ADGRA1: variants seen among roughly 807,000 people sequenced by gnomAD.
ADGRA1 encodes the protein G-protein coupled receptor 123.
A neutral mutation model predicts 21.3 loss-of-function variants in ADGRA1; 12 were observed. That is an observed-to-expected ratio of 0.56 (90% CI 0.36 to 0.91). The LOEUF is 0.91. Ranked by LOEUF, ADGRA1 falls within the 40% of genes least tolerant of loss-of-function variation. ADGRA1 has a pLI of 0.01. For synonymous variants in ADGRA1, 385 were observed against 368.8 expected, an observed-to-expected ratio of 1.04 and a Z score of -0.50; for missense variants, 790 against 805.6, an observed-to-expected ratio of 0.98 and a Z score of 0.23.
Position 133,129,194 on chromosome 10 carries a change from C to A in ADGRA1, c.1366C>A (p.Pro456Thr), listed in dbSNP as rs150943550. The change falls in exon 7 of 7, where the codon CCC becomes ACC. Residue 456 changes from proline (P) to threonine (T), a missense_variant. Coordinates refer to ENST00000392607, the MANE Select transcript of ADGRA1 (RefSeq NM_001083909.3). ...CCCCCGCAGCTCGCGCACAGACAGC[C>A]CCCCCAGCTCTCTGGATGGCCCGGC... ...GSPRSSRTDSPPSSLDGPAGT... is the reference protein window; with the variant it reads ...GSPRSSRTDSTPSSLDGPAGT... 18,505 of 1,550,396 alleles carry A rather than the reference C, an allele frequency of 0.012. 137 individuals are homozygous for A. Among genetic ancestry groups the A allele is most frequent in the Non-Finnish European group, 0.014 (16,189 of 1,147,004 alleles).
Position 133,112,408 on chromosome 10 carries a change from ATTTGGGGT to A in ADGRA1, c.401+9567_401+9574del, listed in dbSNP as rs1564850102. Reference sequence around the variant, plus strand: ...TTGGGGTCTACGGGCCGCGTCCGTTATTTGGGGTCTGCGGGCCATGTCGGTTATTTGGG... The same window carrying A: ...TTGGGGTCTACGGGCCGCGTCCGTTACTGCGGGCCATGTCGGTTATTTGGG... On this transcript the variant is annotated intron_variant, in intron 5 of 6. Coordinates refer to ENST00000392607, the MANE Select transcript of ADGRA1 (RefSeq NM_001083909.3). Among the ~76,000 whole-genome samples, 471 of 143,512 alleles carry A rather than the reference ATTTGGGGT, an allele frequency of 3.3e-3. 34 individuals carry two copies. In the East Asian group the frequency reaches 0.033, roughly 10 times the overall value. 94.1% of individuals were successfully genotyped at this position (143,512 alleles called of 152,430 possible). A position where few individuals can be genotyped will look rare whatever the true frequency, so the allele number is the denominator to read the frequency against.
At chr10:133,092,824 G>T (rs1429050602) in intron 2 of ADGRA1, among the ~76,000 whole-genome samples, 6 of 132,064 alleles carry the variant, frequency 4.5e-5, no homozygotes, top group African/African-American at 1.5e-4. Context: ...GGGAAGGAAG[G>T]AAGAGAGGGA....
At chr10:133,117,649 G>T (rs1297785973) in intron 5 of ADGRA1, among the ~76,000 whole-genome samples, 2 of 152,248 alleles carry the variant, frequency 1.3e-5, no homozygotes, top group Non-Finnish European at 2.9e-5. Flanking sequence ...ATCTGGAATG[G>T]GCCTGGAGAA....
chr10:133,103,572 C>T (rs1254239624), intron 5 of ADGRA1, among the ~76,000 whole-genome samples: 5 of 152,224 alleles, frequency 3.3e-5, no homozygotes, highest in African/African-American at 1.2e-4. Flanking sequence ...CATGGGCCTG[C>T]CTAGGGGGGC....
rs1453389415 is a variant in ADGRA1 at position 133,128,510 on chromosome 10, C to T, written c.682C>T (p.Arg228Cys). The change falls in exon 7 of 7, where the codon CGT (arginine) becomes TGT (cysteine). Residue 228 changes from arginine (R) to cysteine (C), a missense_variant. By Grantham distance (180) the Arg-to-Cys change is radical (BLOSUM62 -3). Transcript: ENST00000392607. ...QRRLATPEGG[R>C]GIRPGTPPAH... ...GCGGCTGGCGACACCCGAGGGCGGC[C>T]GTGGGATCCGGCCAGGCACCCCACC... The T allele has an allele frequency of 5.2e-6, 8 of 1,547,810 alleles. No homozygotes were observed. The highest frequency in any genetic ancestry group is 1.7e-4 in the Middle Eastern group (1 of 5,740).
At chr10:133,105,401 G>T (rs1407500210) in intron 5 of ADGRA1, among the ~76,000 whole-genome samples, 1 of 152,094 alleles carries the variant, frequency 6.6e-6, no homozygotes, top group South Asian at 2.1e-4. Context: ...ACAAGAAAAC[G>T]GCTGTCCCCG....
At position 133,129,428 on chromosome 10, in the gene ADGRA1, A is replaced by G. The variant is rs1852465583; in HGVS notation, c.1600A>G (p.Lys534Glu). The G allele has an allele frequency of 6.2e-7, 1 of 1,604,368 alleles. No individual in the cohort carries two copies. The highest frequency in any genetic ancestry group is 1.7e-5 in the Admixed American group (1 of 59,982). ...CAGCCAGAACGGGCTGCCCAAGGGTAAATTGCTAGAAGGCCTGCCGTTTGG... is the reference window on the plus strand; with the variant it reads ...CAGCCAGAACGGGCTGCCCAAGGGTGAATTGCTAGAAGGCCTGCCGTTTGG... ...GPSQNGLPKGKLLEGLPFGTD... is the reference protein window; with the variant it reads ...GPSQNGLPKGELLEGLPFGTD... Residue 534 changes from lysine (K) to glutamate (E), a missense_variant, in exon 7 of 7, where the codon AAA becomes GAA. Transcript: ENST00000392607.
Position 133,128,357 on chromosome 10 carries a change from G to T in ADGRA1, c.529G>T (p.Gly177Cys). 1 of 1,563,248 alleles carries T rather than the reference G, an allele frequency of 6.4e-7. No individual in the cohort carries two copies. The highest frequency in any genetic ancestry group is 8.6e-7 in the Non-Finnish European group (1 of 1,156,182). ...CTGGATGGCCTGGGAGCCCAGCCTG[G>T]GCGCCTTCTACGGCCCAGCCGCCAT... The part of the protein sequence containing the change: ...YCWMAWEPSL[G>C]AFYGPAAIIT... The change falls in exon 7 of 7, where the codon GGC becomes TGC. Residue 177 changes from glycine to cysteine, a missense_variant. Coordinates refer to ENST00000392607, the MANE Select transcript of ADGRA1 (RefSeq NM_001083909.3).
intron 5 of ADGRA1, among the ~76,000 whole-genome samples, chr10:133,121,263 C>G (rs1484368932): frequency 6.6e-6 from 1 of 152,248 alleles, no homozygotes; most frequent in East Asian, 1.9e-4. Context: ...GATGGACTTG[C>G]TCAACCCGGG....
At chr10:133,127,425 C>T in intron 6 of ADGRA1, 94 bp downstream of exon 6, 2 of 976,368 alleles carry the variant, frequency 2.0e-6, no homozygotes, top group South Asian at 3.1e-5. Flanking sequence ...AAGCCCAGGA[C>T]GAAGCAGCAA....
rs994353728 is a variant in ADGRA1 at position 133,102,955 on chromosome 10, C to A, written c.401+113C>A. On this transcript the variant is annotated intron_variant, in intron 5 of 6. Coordinates refer to ENST00000392607, the MANE Select transcript of ADGRA1 (RefSeq NM_001083909.3). ...GGCCACCAGGGGCCTGAGGATGATC[C>A]GGTCCATGGGGGAGGGTCAGTGTTC... 7.0e-6 allele frequency: 8 copies of A among 1,136,212 alleles called. No individual in the cohort carries two copies. In the East Asian group the frequency reaches 1.1e-4, roughly 16 times the overall value. The allele number at this position is 1,136,212 out of a possible 1,614,324, so 70.4% of individuals were successfully genotyped here.
chr10:133,119,669 C>A (rs1297006900), intron 5 of ADGRA1, among the ~76,000 whole-genome samples: 1 of 152,236 alleles, frequency 6.6e-6, no homozygotes, highest in Non-Finnish European at 1.5e-5. Flanking sequence ...CCATAAGAAG[C>A]AACTCCTCAC....
Position 133,130,109 on chromosome 10 carries a change from C to A in ADGRA1, c.*598C>A, listed in dbSNP as rs1243507961. ...CCTCCGCTGTCGTGTGTCTGAGCCA[C>A]CCCTGCAGCTTCACAGGGCCCCTGC... On this transcript the variant is annotated 3_prime_UTR_variant, in exon 7 of 7. Coordinates refer to ENST00000392607, the MANE Select transcript of ADGRA1 (RefSeq NM_001083909.3). 1 of 153,314 alleles carries A rather than the reference C, an allele frequency of 6.5e-6. No homozygotes were observed. Among genetic ancestry groups the A allele is most frequent in the African/African-American group, 2.4e-5 (1 of 41,478 alleles). 9.5% of individuals were successfully genotyped at this position (153,314 alleles called of 1,614,324 possible). A position where few individuals can be genotyped will look rare whatever the true frequency, so the allele number is the denominator to read the frequency against.
chr10:133,127,392 C>T (rs909193969), intron 6 of ADGRA1, 61 bp downstream of exon 6: 2 of 1,267,148 alleles, frequency 1.6e-6, no homozygotes, highest in African/African-American at 1.5e-5. Context: ...GCCTGAGGTC[C>T]CTCCCAGGCA....
At chr10:133,092,037 G>A (rs1277975276) in intron 2 of ADGRA1, among the ~76,000 whole-genome samples, 2 of 152,186 alleles carry the variant, frequency 1.3e-5, no homozygotes, top group Admixed American at 6.5e-5. Context: ...TGGGAGACTC[G>A]GAGCTCTGAG....
chr10:133,095,535 C>T (rs533955016), intron 2 of ADGRA1: 2 of 1,262,838 alleles, frequency 1.6e-6, no homozygotes, highest in Admixed American at 5.4e-5. Flanking sequence ...CAGGTCCAGG[C>T]TCCTCGTCCC....
intron 5 of ADGRA1, among the ~76,000 whole-genome samples, chr10:133,126,491 G>A (rs1248540379): frequency 3.9e-5 from 6 of 152,152 alleles, no homozygotes; most frequent in Admixed American, 6.5e-5. Context: ...TCTCTGAGCC[G>A]GCCCCTAGGT....
chr10:133,097,072 C>T lies in ADGRA1; in HGVS notation c.102C>T (p.Ala34=), dbSNP rs1339120534. The change falls in exon 3 of 7, where the codon GCC becomes GCT. Residue 34 remains alanine, a synonymous_variant. Transcript: ENST00000392607. ...CCGTCATGCTGCTCTGCCTCCTGGC[C>T]TCCTTCGTCACCTACATCGTGCACC... ...CTAVMLLCLL[A]SFVTYIVHQS... is the part of the protein sequence containing the mutation. 1.2e-6 allele frequency: 2 copies of T among 1,608,132 alleles called. No homozygotes were observed. The highest frequency in any genetic ancestry group is 3.3e-5 in the Admixed American group (2 of 60,030).
chr10:133,125,590 A>AT (rs540821955), intron 5 of ADGRA1, among the ~76,000 whole-genome samples: 2,213 of 146,610 alleles, frequency 0.015, 30 homozygotes, highest in African/African-American at 0.037. Flanking sequence ...CGCCCGGCTA[A>AT]TTTTTTTTTT....
Sources: allele counts gnomAD v4.1 joint callset (sites outside exome capture counted in the v4.1 genomes callset), GRCh38; gene constraint gnomAD v4.1.1; transcripts MANE v1.5; gene names NCBI Gene and HGNC (gene_info 2026-07-23, HGNC 2026-07-21).